Variants in SMYD4 observed in about 807,000 individuals in gnomAD.
SMYD4 encodes protein-lysine N-methyltransferase SMYD4.
Under a neutral mutation model 72.8 loss-of-function variants are expected in SMYD4, and 68 were observed. The observed-to-expected ratio is 0.93, with a 90% CI of 0.77 to 1.14. The LOEUF (loss-of-function observed/expected upper bound fraction) is 1.14, where lower values mean the gene tolerates loss of function less well. Among genes scored for constraint, SMYD4 ranks in the 50% most tolerant of loss-of-function variants. The pLI is 0.00. For synonymous variants in SMYD4, 407 were observed against 388.6 expected (o/e 1.05, Z -0.56); for missense variants, 984 against 1,003.7 (o/e 0.98, Z 0.27).
chr17:1,805,498 ATGG>A (rs1235437621), intron 3 of SMYD4, among the ~76,000 whole-genome samples: 2 of 152,054 alleles, frequency 1.3e-5, no homozygotes, highest in African/African-American at 2.4e-5. Context: ...TGTAGGAAAG[ATGG>A]TGATTACTCA....
rs987335804 is a variant in SMYD4 at position 1,780,561 on chromosome 17, C to G, written c.*725G>C. 2.6e-5 allele frequency: 4 copies of G among 151,790 alleles called. No individual in the cohort carries two copies. Among genetic ancestry groups the G allele is most frequent in the African/African-American group, 9.7e-5 (4 of 41,242 alleles). The allele number at this position is 151,790 out of a possible 1,614,324, so 9.4% of individuals were successfully genotyped here. On this transcript the variant is annotated 3_prime_UTR_variant, in exon 11 of 11. Transcript: ENST00000305513. ...CCGCACCTGGTCTGCAGAACCCACA[C>G]CCGACCCACAGAACCCACACCCGAC... is the stretch of plus-strand genomic sequence containing the variant.
chr17:1,810,751 A>C (rs1256324676), intron 3 of SMYD4, among the ~76,000 whole-genome samples: 1 of 152,226 alleles, frequency 6.6e-6, no homozygotes, highest in Non-Finnish European at 1.5e-5. Context: ...AGACCCTAGC[A>C]GGCAGACACA....
At chr17:1,798,466 A>C (rs1478168008) in intron 5 of SMYD4, among the ~76,000 whole-genome samples, 1 of 152,118 alleles carries the variant, frequency 6.6e-6, no homozygotes, top group Non-Finnish European at 1.5e-5. Context: ...TTTCCTTCAT[A>C]ACCAAAAAAA....
rs548602762 is a variant in SMYD4, at chr17:1,814,497, T to C, written c.135-2382A>G. On this transcript the variant is annotated intron_variant, in intron 2 of 10. Transcript: ENST00000305513. ...AGGTAAAAACAAAGTTAGTATCAAATATGATTTTATTAATATTTAAATACA... is the reference window on the plus strand; with the variant it reads ...AGGTAAAAACAAAGTTAGTATCAAACATGATTTTATTAATATTTAAATACA... 4 of 152,200 alleles carry C rather than the reference T, an allele frequency of 2.6e-5. No homozygotes were observed. In the South Asian group the frequency reaches 8.3e-4, roughly 32 times the overall value. 9.4% of individuals were successfully genotyped at this position (152,200 alleles called of 1,614,324 possible). A position where few individuals can be genotyped will look rare whatever the true frequency, so the allele number is the denominator to read the frequency against.
chr17:1,821,639 C>T (rs776991359), intron 2 of SMYD4, among the ~76,000 whole-genome samples: 72 of 151,886 alleles, frequency 4.7e-4, no homozygotes, highest in Non-Finnish European at 9.0e-4. Context: ...TAATAAATTA[C>T]GTGTCAGAAG....
At chr17:1,782,887 G>T in intron 10 of SMYD4, 148 bp downstream of exon 10, 1 of 1,279,308 alleles carries the variant, frequency 7.8e-7, no homozygotes, top group Non-Finnish European at 1.1e-6. Flanking sequence ...CGTTATGTTT[G>T]TTAGCAAAAC....
chr17:1,818,812 CTTTTT>C (rs1033224381), intron 2 of SMYD4, among the ~76,000 whole-genome samples: 11 of 151,434 alleles, frequency 7.3e-5, no homozygotes, highest in Non-Finnish European at 1.5e-4. Context: ...GGCTAAATTA[CTTTTT>C]ATTTTTATAA....
intron 3 of SMYD4, among the ~76,000 whole-genome samples, chr17:1,808,773 T>C (rs891212125): frequency 1.7e-4 from 26 of 152,186 alleles, no homozygotes; most frequent in African/African-American, 5.8e-4. Flanking sequence ...ATACATAAAG[T>C]TGAAGAGATT....
chr17:1,784,998 A>C (rs2151218882), intron 7 of SMYD4, among the ~76,000 whole-genome samples: 1 of 148,366 alleles, frequency 6.7e-6, no homozygotes, highest in South Asian at 2.2e-4. Flanking sequence ...CGTGTAAGCC[A>C]GGATGGTCTC....
chr17:1,822,189 G>A (rs1043577128), intron 2 of SMYD4, among the ~76,000 whole-genome samples: 9 of 152,092 alleles, frequency 5.9e-5, no homozygotes, highest in South Asian at 4.2e-4. Context: ...AACAGAGATC[G>A]CGCCACTGCA....
At position 1,799,976 on chromosome 17, in the gene SMYD4, A is replaced by T. The variant is rs1287865554; in HGVS notation, c.1418T>A (p.Leu473His). 6.2e-7 allele frequency: 1 copy of T among 1,614,110 alleles called. No homozygotes were observed. The highest frequency in any genetic ancestry group is 8.5e-7 in the Non-Finnish European group (1 of 1,180,020). The change falls in exon 5 of 11, where the codon CTT becomes CAT. Residue 473 changes from leucine (L) to histidine (H), a missense_variant. Coordinates refer to ENST00000305513, the MANE Select transcript of SMYD4 (RefSeq NM_052928.3). ...CAATTCAGGTGTCACTGCTGCTTTA[A>T]GCTGAGAGGAGTTCACAATCCTCTC... Reference protein sequence around the residue: ...PTERIVNSSQLKAAVTPELCP... With the variant: ...PTERIVNSSQHKAAVTPELCP...
In SMYD4 at chr17:1,826,617, C is replaced by A. The variant is rs964079754; in HGVS notation, c.134+1244G>T. ...AGGCTCAAAACTGAACTCATTATTTCATTCAATTAATATACGAGCGCCTAC... is the reference window on the plus strand; with the variant it reads ...AGGCTCAAAACTGAACTCATTATTTAATTCAATTAATATACGAGCGCCTAC... On this transcript the variant is annotated intron_variant, in intron 2 of 10. Coordinates refer to ENST00000305513, the MANE Select transcript of SMYD4 (RefSeq NM_052928.3). Among the ~76,000 whole-genome samples, 3 of 152,016 alleles carry A rather than the reference C, an allele frequency of 2.0e-5. 1 individual carries two copies. In the East Asian group the frequency reaches 5.8e-4, roughly 29 times the overall value.
rs930768236 is a variant in SMYD4 at position 1,816,773 on chromosome 17, A to G, written c.135-4658T>C. Among the ~76,000 whole-genome samples, 5 of 151,884 alleles carry G rather than the reference A, an allele frequency of 3.3e-5. No homozygotes were observed. In the East Asian group the frequency reaches 9.8e-4, roughly 30 times the overall value. ...CTATGGCCTTTTTGTAGGTGTGTGAAGTGATCTCTCACTGTGGTTTTGGTG... is the reference window on the plus strand; with the variant it reads ...CTATGGCCTTTTTGTAGGTGTGTGAGGTGATCTCTCACTGTGGTTTTGGTG... On this transcript the variant is annotated intron_variant, in intron 2 of 10. Transcript: ENST00000305513.
At chr17:1,783,189 A>G (rs1908463662) in intron 9 of SMYD4, 31 bp from the exon 10 acceptor site, 3 of 1,613,920 alleles carry the variant, frequency 1.9e-6, no homozygotes, top group South Asian at 2.2e-5. Context: ...TGTTCCAGAA[A>G]AGAACCACTG....
In SMYD4 at chr17:1,781,604, A is replaced by G. The variant is rs192051030; in HGVS notation, c.2262-165T>C. On this transcript the variant is annotated intron_variant, in intron 10 of 10. Coordinates refer to ENST00000305513, the MANE Select transcript of SMYD4 (RefSeq NM_052928.3). ...CTGTCACAAACACGCTGCAAAACAA[A>G]AGTGTGAGAAAACAGTTATAAAAGA... The G allele has an allele frequency of 3.4e-3, 2,409 of 699,774 alleles. 49 individuals carry two copies. In the African/African-American group the frequency reaches 0.037, roughly 11 times the overall value. 43.3% of individuals were successfully genotyped at this position (699,774 alleles called of 1,614,324 possible).
chr17:1,827,988 G>C lies in SMYD4; in HGVS notation c.7C>G (p.Leu3Val), dbSNP rs747940384. The C allele has an allele frequency of 6.2e-7, 1 of 1,609,050 alleles. No homozygotes were observed. The highest frequency in any genetic ancestry group is 1.3e-5 in the African/African-American group (1 of 74,828). ...TATGATTTCCATTCATCCACAGGCA[G>C]ATCCATGCTGCTTTTGATCTATAAA... MD[L>V]PVDEWKSYLL... is the part of the protein sequence containing the mutation. The change falls in exon 2 of 11, where the codon CTG (leucine) becomes GTG (valine). Residue 3 changes from leucine (L) to valine (V), a missense_variant. Leu to Val is a conservative substitution (Grantham distance 32). Transcript: ENST00000305513.
At chr17:1,815,673 A>G (rs1910554266) in intron 2 of SMYD4, among the ~76,000 whole-genome samples, 1 of 146,756 alleles carries the variant, frequency 6.8e-6, no homozygotes, top group South Asian at 2.2e-4. Context: ...AAAAAAAAAA[A>G]TTGAGGTAGT....
intron 2 of SMYD4, among the ~76,000 whole-genome samples, chr17:1,818,894 T>C (rs941150005): frequency 1.3e-5 from 2 of 151,896 alleles, no homozygotes. Context: ...GGGACCCACC[T>C]GCTTCAGCCT....
chr17:1,804,751 A>T, intron 3 of SMYD4, 36 bp from the exon 4 acceptor site: 1 of 1,591,922 alleles, frequency 6.3e-7, no homozygotes. Flanking sequence ...GTATAAATGG[A>T]CACCAGCATC....
Sources: gnomAD v4.1 joint callset for allele counts (sites outside exome capture counted in the v4.1 genomes callset) on GRCh38, gnomAD v4.1.1 for gene constraint, MANE v1.5 for transcripts, NCBI Gene and HGNC (gene_info 2026-07-23, HGNC 2026-07-21) for gene names.